DNA2: variants seen among roughly 807,000 people sequenced by gnomAD.
DNA2 encodes DNA replication helicase/nuclease 2, also known as DNA replication ATP-dependent helicase/nuclease DNA2.
A neutral mutation model predicts 119.1 loss-of-function variants in DNA2; 101 were observed. The ratio of observed to expected loss-of-function variants is 0.85; its 90% confidence interval spans 0.72 to 1.00. The LOEUF (loss-of-function observed/expected upper bound fraction) is 1.00. Ranked by LOEUF, DNA2 falls within the 50% of genes least tolerant of loss-of-function variation. DNA2 has a pLI of 0.00. For missense variants in DNA2, 1,121 were observed against 1,255.5 expected (o/e 0.89, Z 1.62); for synonymous variants, 366 against 424.4 (o/e 0.86, Z 1.69).
At chr10:68,415,195 T>C in intron 20 of DNA2, 88 bp from the exon 21 acceptor site, 1 of 768,120 alleles carries the variant, frequency 1.3e-6, no homozygotes, top group East Asian at 2.8e-5. Context: ...TAATTTGACT[T>C]ACAGGACCAC....
intron 5 of DNA2, among the ~76,000 whole-genome samples, chr10:68,452,444 TATTAA>T (rs2052131458): frequency 1.3e-5 from 2 of 152,196 alleles, no homozygotes; most frequent in African/African-American, 4.8e-5. Flanking sequence ...GATATGCTTT[TATTAA>T]ATTAGGCAAA....
rs1461120161 is a variant in DNA2, at chr10:68,419,244, A to G, written c.2788-31T>C. On this transcript the variant is annotated intron_variant, in intron 18 of 20. Transcript: ENST00000358410. ...TAGAAAAAGACACAATTTAAAAGAA[A>G]GAAATCCTGATTAAGTTAAACTTTT... is the stretch of plus-strand genomic sequence containing the variant. The G allele has an allele frequency of 2.1e-6, 3 of 1,457,198 alleles. No individual in the cohort carries two copies. The Admixed American group carries it at 8.7e-5, about 42-fold the overall frequency. The allele number at this position is 1,457,198 out of a possible 1,614,324, so 90.3% of individuals were successfully genotyped here. A position where few individuals can be genotyped will look rare whatever the true frequency, so the allele number is the denominator to read the frequency against.
rs1564887428 is a variant in DNA2 at position 68,443,046 on chromosome 10, T to A, written c.1286A>T (p.Glu429Val). 6.3e-7 allele frequency: 1 copy of A among 1,597,234 alleles called. No homozygotes were observed. The highest frequency in any genetic ancestry group is 8.5e-7 in the Non-Finnish European group (1 of 1,170,872). ...PIVMLPKIEE[E>V]TQHLKQTHLE... ...GTGTGTTTGCTTCAGATGCTGGGTT[T>A]CTTCTTCTATTTTGGGCAGCATCAC... The change falls in exon 9 of 21, where the codon GAA (glutamate) becomes GTA (valine). Residue 429 changes from glutamate (E) to valine (V), a missense_variant. By Grantham distance (121) the Glu-to-Val change is moderately radical (BLOSUM62 -2). Coordinates refer to ENST00000358410, the MANE Select transcript of DNA2 (RefSeq NM_001080449.3).
At chr10:68,469,499 G>A (rs528955426) in intron 2 of DNA2, among the ~76,000 whole-genome samples, 2 of 151,642 alleles carry the variant, frequency 1.3e-5, no homozygotes, top group Non-Finnish European at 2.9e-5. Flanking sequence ...TTTCGCTCTT[G>A]TTGCCTAGGC....
intron 9 of DNA2, among the ~76,000 whole-genome samples, chr10:68,438,205 A>G (rs1370188049): frequency 6.6e-6 from 1 of 151,886 alleles, no homozygotes; most frequent in African/African-American, 2.4e-5. Flanking sequence ...AACCATAATA[A>G]CCTGCTCCCA....
chr10:68,464,337 A>AC (rs2052298621), intron 4 of DNA2, among the ~76,000 whole-genome samples: 1 of 151,716 alleles, frequency 6.6e-6, no homozygotes, highest in South Asian at 2.1e-4. Flanking sequence ...ACATGGTTAA[A>AC]CCCCGTCTTC....
intron 2 of DNA2, among the ~76,000 whole-genome samples, chr10:68,468,921 A>G (rs1020500159): frequency 3.3e-5 from 5 of 152,018 alleles, no homozygotes; most frequent in Admixed American, 1.3e-4. Context: ...GTGGTGGCGG[A>G]CGCCTGTAAT....
intron 9 of DNA2, among the ~76,000 whole-genome samples, chr10:68,438,533 A>C (rs1052030122): frequency 6.6e-6 from 1 of 151,928 alleles, no homozygotes; most frequent in African/African-American, 2.4e-5. Context: ...AAAAAGAAAA[A>C]AAAACCATTT....
intron 13 of DNA2, among the ~76,000 whole-genome samples, chr10:68,430,988 T>C (rs2051812802): frequency 6.6e-6 from 1 of 152,042 alleles, no homozygotes; most frequent in Non-Finnish European, 1.5e-5. Context: ...ATTCTTTTTT[T>C]AATTAGCCAA....
intron 2 of DNA2, 145 bp downstream of exon 2, chr10:68,469,836 C>A: frequency 2.7e-6 from 2 of 749,084 alleles, no homozygotes; most frequent in East Asian, 2.9e-5. Flanking sequence ...GTAATAGATA[C>A]AATTTTCATG....
chr10:68,471,374 C>T (rs1368306821), intron 1 of DNA2, among the ~76,000 whole-genome samples: 1 of 152,128 alleles, frequency 6.6e-6, no homozygotes, highest in Non-Finnish European at 1.5e-5. Flanking sequence ...AAAGTAATTC[C>T]ACATTATGAC....
Position 68,422,525 on chromosome 10 carries a change from T to G in DNA2, c.2482A>C (p.Arg828=). ...CACTGTTACAAATACCTGTTCATTC[T>G]GTACTGCACGGTTAACTGTACAACA... The part of the protein sequence containing the change: ...SAVVQLTVQY[R]MNSKIMSLSN... Residue 828 remains arginine (R), a synonymous_variant, in exon 16 of 21, where the codon AGA becomes CGA. Transcript: ENST00000358410. 6.2e-7 allele frequency: 1 copy of G among 1,614,014 alleles called. No individual in the cohort carries two copies. Among genetic ancestry groups the G allele is most frequent in the Non-Finnish European group, 8.5e-7 (1 of 1,179,854 alleles).
In DNA2 at chr10:68,459,119, T is replaced by C. The variant is rs1386924791; in HGVS notation, c.704A>G (p.Gln235Arg). The change falls in exon 5 of 21, where the codon CAG becomes CGG. Residue 235 changes from glutamine to arginine, a missense_variant. Coordinates refer to ENST00000358410, the MANE Select transcript of DNA2 (RefSeq NM_001080449.3). Reference protein sequence around the residue: ...MHKNTSTDFPQMQLSLPSDNS... With the variant: ...MHKNTSTDFPRMQLSLPSDNS... Reference sequence around the variant, plus strand: ...TGTTTCTTACAGAGAGAGCTGCATCTGAGGGAAGTCAGTCGAAGTGTTTTT... The same window carrying C: ...TGTTTCTTACAGAGAGAGCTGCATCCGAGGGAAGTCAGTCGAAGTGTTTTT... The C allele has an allele frequency of 3.1e-6, 5 of 1,599,392 alleles. No homozygotes were observed. Among genetic ancestry groups the C allele is most frequent in the African/African-American group, 1.3e-5 (1 of 74,682 alleles).
chr10:68,436,756 G>C (rs1428665245), intron 10 of DNA2: 4 of 316,520 alleles, frequency 1.3e-5, no homozygotes, highest in Admixed American at 9.9e-5. Flanking sequence ...TACAGAGACA[G>C]AAAGCAGGTT....
At chr10:68,448,962 T>TGCGC (rs1554907476) in intron 6 of DNA2, among the ~76,000 whole-genome samples, 1,776 of 104,232 alleles carry the variant, frequency 0.017, 46 homozygotes, top group African/African-American at 0.058. Context: ...TGTGTGTGTG[T>TGCGC]GTGTGCGTGT....
chr10:68,457,052 T>C (rs2052193377), intron 5 of DNA2, among the ~76,000 whole-genome samples: 1 of 150,566 alleles, frequency 6.6e-6, no homozygotes, highest in Non-Finnish European at 1.5e-5. Flanking sequence ...GAGAATGGCG[T>C]GAACCCGGGA....
intron 7 of DNA2, among the ~76,000 whole-genome samples, chr10:68,445,734 T>C (rs1323307749): frequency 6.6e-6 from 1 of 152,150 alleles, no homozygotes; most frequent in Non-Finnish European, 1.5e-5. Context: ...ATATCTTTAA[T>C]ATAAAATAGA....
intron 7 of DNA2, among the ~76,000 whole-genome samples, chr10:68,445,293 C>T (rs1303800683): frequency 2.0e-5 from 3 of 152,014 alleles, no homozygotes; most frequent in Admixed American, 2.0e-4. Flanking sequence ...GGTGAAACCC[C>T]GTCTCTACTA....
In DNA2 at chr10:68,443,023, G is replaced by C; in HGVS notation, c.1309C>G (p.His437Asp). The change falls in exon 9 of 21, where the codon CAC becomes GAC. Residue 437 changes from histidine (H) to aspartate (D), a missense_variant. Physicochemically the swap from His to Asp is moderately conservative, Grantham distance 81. Transcript: ENST00000358410. ...EEETQHLKQT[H>D]LEYFSLWCLM... ...CACCAAAGGCTGAAATATTCTAAGT[G>C]TGTTTGCTTCAGATGCTGGGTTTCT... is the stretch of plus-strand genomic sequence containing the variant. 1 of 1,608,332 alleles carries C rather than the reference G, an allele frequency of 6.2e-7. No homozygotes were observed. The highest frequency in any genetic ancestry group is 1.1e-5 in the South Asian group (1 of 90,148).
Sources: allele counts gnomAD v4.1 joint callset (sites outside exome capture counted in the v4.1 genomes callset), GRCh38; gene constraint gnomAD v4.1.1; transcripts MANE v1.5; gene names NCBI Gene and HGNC (gene_info 2026-07-23, HGNC 2026-07-21).